ATR: variants seen among roughly 807,000 people sequenced by gnomAD.
The protein encoded by ATR is serine/threonine-protein kinase ATR.
ATR carries 142 observed loss-of-function variants against 305.3 expected under a neutral mutation model. That is an observed-to-expected ratio of 0.47 (90% confidence interval 0.41 to 0.53). The LOEUF (loss-of-function observed/expected upper bound fraction) is 0.53. ATR is among the 20% of genes least tolerant of loss of function. ATR has a pLI of 0.00. For missense variants in ATR, 2,135 were observed against 3,133.1 expected (o/e 0.68, Z 7.60); for synonymous variants, 1,050 against 1,068.1 (o/e 0.98, Z 0.33).
At chr3:142,454,256 G>C (rs1456262348) in intron 45 of ATR, among the ~76,000 whole-genome samples, 1 of 152,024 alleles carries the variant, frequency 6.6e-6, no homozygotes, top group African/African-American at 2.4e-5. Flanking sequence ...CCCTTGCATG[G>C]TCAACTTTAT....
intron 23 of ATR, among the ~76,000 whole-genome samples, chr3:142,522,381 G>A (rs1312362512): frequency 6.6e-6 from 1 of 152,078 alleles, no homozygotes; most frequent in African/African-American, 2.4e-5. Flanking sequence ...CTATCTCTGA[G>A]TTATGCTTGT....
At chr3:142,485,017 G>T in intron 36 of ATR, 123 bp downstream of exon 36, 1 of 1,402,024 alleles carries the variant, frequency 7.1e-7, no homozygotes, top group Non-Finnish European at 9.9e-7. Flanking sequence ...TATCTAAGGT[G>T]ATACACTGAA....
chr3:142,461,076 T>A (rs1052288161), intron 42 of ATR, among the ~76,000 whole-genome samples: 7 of 152,168 alleles, frequency 4.6e-5, no homozygotes, highest in African/African-American at 1.7e-4. Flanking sequence ...TCATCAAATC[T>A]GGGAATTCAT....
At position 142,468,100 on chromosome 3, in the gene ATR, AAG is replaced by A. The variant is rs753642954; in HGVS notation, c.6553-34_6553-33del. 100 of 1,607,918 alleles carry A rather than the reference AAG, an allele frequency of 6.2e-5. 1 individual carries two copies. In the South Asian group the frequency reaches 1.0e-3, roughly 16 times the overall value. On this transcript the variant is annotated intron_variant, in intron 38 of 46. Transcript: ENST00000350721. The stretch of plus-strand genomic sequence containing the variant: ...TAAAAAAGAGTTAAATGTCATAAAA[AAG>A]AGTTTATACAGGATTTTTAAAAGAT...
At chr3:142,458,104 A>G (rs1319508084) in intron 44 of ATR, among the ~76,000 whole-genome samples, 1 of 152,226 alleles carries the variant, frequency 6.6e-6, no homozygotes, top group Admixed American at 6.5e-5. Flanking sequence ...TGAAATACAA[A>G]TATTCTCATA....
rs73864544 is a variant in ATR, at chr3:142,491,563, A to C, written c.6078+1569T>G. Reference sequence around the variant, plus strand: ...GTCTTACATACTAGAATAAATTCAGAAGATCTCTCTAACTGGGAAGGTGAA... The same window carrying C: ...GTCTTACATACTAGAATAAATTCAGCAGATCTCTCTAACTGGGAAGGTGAA... On this transcript the variant is annotated intron_variant, in intron 35 of 46. Transcript: ENST00000350721. Among the ~76,000 whole-genome samples the C allele has an allele frequency of 9.8e-5, 15 of 152,306 alleles. No individual in the cohort carries two copies. The East Asian group carries it at 2.7e-3, about 27-fold the overall frequency.
intron 15 of ATR, among the ~76,000 whole-genome samples, chr3:142,549,152 T>C (rs902050634): frequency 6.6e-6 from 1 of 152,180 alleles, no homozygotes; most frequent in African/African-American, 2.4e-5. Flanking sequence ...GGTGATTGCC[T>C]CTTCCTATGG....
intron 36 of ATR, among the ~76,000 whole-genome samples, chr3:142,477,854 T>C (rs2030016764): frequency 6.6e-6 from 1 of 152,258 alleles, no homozygotes; most frequent in Admixed American, 6.5e-5. Flanking sequence ...TATCCATTTC[T>C]TCTAGATTTT....
chr3:142,565,046 C>G (rs2035020631), intron 3 of ATR, among the ~76,000 whole-genome samples: 1 of 152,068 alleles, frequency 6.6e-6, no homozygotes, highest in South Asian at 2.1e-4. Flanking sequence ...CGTGCCCAGC[C>G]TATGATATTT....
Position 142,449,752 on chromosome 3 carries a change from A to G in ATR, c.7762-150T>C, listed in dbSNP as rs1577483512. 6 of 826,942 alleles carry G rather than the reference A, an allele frequency of 7.3e-6. No homozygotes were observed. In the East Asian group the frequency reaches 1.6e-4, roughly 22 times the overall value. The allele number at this position is 826,942 out of a possible 1,614,324, so 51.2% of individuals were successfully genotyped here. Reference sequence around the variant, plus strand: ...CAAATACAGGAAAAGAAGAAATTAAACAAATACAGTTAGCTTGTGATACTG... The same window carrying G: ...CAAATACAGGAAAAGAAGAAATTAAGCAAATACAGTTAGCTTGTGATACTG... On this transcript the variant is annotated intron_variant, in intron 46 of 46. Transcript: ENST00000350721.
rs748141166 is a variant in ATR, at chr3:142,578,676, G to A, written c.29C>T (p.Ser10Phe). Residue 10 changes from serine to phenylalanine, a missense_variant, in exon 1 of 47, where the codon TCC becomes TTC. Around this residue, in one of 9 missense-constraint regions of ATR, gnomAD observed 744 missense variants for 873.2 expected, o/e 0.85. Transcript: ENST00000350721. ...CAGCTCCCGCAGGGCGGGGATCATG[G>A]AAGCCAGCTCCAGGCCATGTTCCCC... MGEHGLELA[S>F]MIPALRELGS... 11 of 1,613,400 alleles carry A rather than the reference G, an allele frequency of 6.8e-6. 1 individual carries two copies. The South Asian group carries it at 9.9e-5, about 15-fold the overall frequency.
chr3:142,478,800 T>C (rs1043929249), intron 36 of ATR, among the ~76,000 whole-genome samples: 6 of 152,186 alleles, frequency 3.9e-5, no homozygotes, highest in African/African-American at 1.2e-4. Context: ...ATATTTAGGA[T>C]AGTTAGCTCT....
intron 40 of ATR, 78 bp downstream of exon 40, chr3:142,466,246 G>A: frequency 7.0e-7 from 1 of 1,424,500 alleles, no homozygotes; most frequent in Non-Finnish European, 9.8e-7. Flanking sequence ...TAGATTTTGT[G>A]AAATACACTT....
intron 46 of ATR, chr3:142,452,862 C>T (rs1371248273): frequency 7.7e-7 from 1 of 1,296,144 alleles, no homozygotes; most frequent in Non-Finnish European, 9.9e-7. Flanking sequence ...GTTTTTCCTA[C>T]TGTATCTCAT....
intron 24 of ATR, among the ~76,000 whole-genome samples, chr3:142,518,375 G>A (rs1211767606): frequency 6.6e-6 from 1 of 152,168 alleles, no homozygotes; most frequent in African/African-American, 2.4e-5. Flanking sequence ...AAAGTAGCCA[G>A]GCATGGCGGT....
At chr3:142,519,522 G>A (rs551784667) in intron 24 of ATR, 147 bp downstream of exon 24, 13 of 607,414 alleles carry the variant, frequency 2.1e-5, no homozygotes, top group Middle Eastern at 4.7e-4. Flanking sequence ...GGCTGATCTC[G>A]AACTCCTGAC....
rs777693683 is a variant in ATR, at chr3:142,450,505, T to C, written c.7762-903A>G. On this transcript the variant is annotated intron_variant, in intron 46 of 46. Transcript: ENST00000350721. ...TAAAGAGAGAGTTCATCAGGATCCT[T>C]GTGAGGCTATTTCTCATATCCAGAA... is the stretch of plus-strand genomic sequence containing the variant. 13 of 1,604,016 alleles carry C rather than the reference T, an allele frequency of 8.1e-6. No homozygotes were observed. In the East Asian group the frequency reaches 2.9e-4, roughly 36 times the overall value.
chr3:142,452,882 T>C (rs1276940069), intron 46 of ATR: 7 of 1,337,868 alleles, frequency 5.2e-6, no homozygotes, highest in Admixed American at 3.1e-5. Context: ...TAACTGTGAA[T>C]TGTCTATGGT....
At chr3:142,454,438 T>TA (rs1491429861) in intron 45 of ATR, among the ~76,000 whole-genome samples, 1 of 74,074 alleles carries the variant, frequency 1.3e-5, no homozygotes, top group Non-Finnish European at 2.4e-5. Flanking sequence ...GATAGACAGC[T>TA]TTTTTTTTTT....
Sources: allele counts gnomAD v4.1 joint callset (sites outside exome capture counted in the v4.1 genomes callset), GRCh38; gene constraint gnomAD v4.1.1; regional missense constraint gnomAD v4.1.1; transcripts MANE v1.5; gene names NCBI Gene and HGNC (gene_info 2026-07-23, HGNC 2026-07-21).